CNTNAP2: variants seen among roughly 807,000 people sequenced by gnomAD.
CNTNAP2 encodes contactin-associated protein-like 2.
Under a neutral mutation model 155.2 loss-of-function variants are expected in CNTNAP2, and 98 were observed. The observed-to-expected ratio is 0.63, with a 90% CI of 0.54 to 0.75. The LOEUF (loss-of-function observed/expected upper bound fraction) is 0.75, where lower values mean the gene tolerates loss of function less well. CNTNAP2 is among the 30% of genes least tolerant of loss of function. The pLI is 0.00. For missense variants in CNTNAP2, 1,727 were observed against 1,688.1 expected (o/e 1.02, Z -0.40); for synonymous variants, 651 against 631.2 (o/e 1.03, Z -0.47).
At chr7:147,729,306 C>G (rs1796696516) in intron 13 of CNTNAP2, among the ~76,000 whole-genome samples, 1 of 151,706 alleles carries the variant, frequency 6.6e-6, no homozygotes, top group African/African-American at 2.4e-5. Context: ...TATTGAGCAC[C>G]TACTATGTGT....
intron 13 of CNTNAP2, among the ~76,000 whole-genome samples, chr7:147,835,209 A>G (rs927354596): frequency 1.1e-4 from 17 of 152,206 alleles, no homozygotes; most frequent in Non-Finnish European, 2.1e-4. Context: ...GACTCAGAAA[A>G]GGATTAAAAT....
intron 16 of CNTNAP2, among the ~76,000 whole-genome samples, chr7:148,138,492 C>T (rs1364008885): frequency 6.6e-6 from 1 of 152,182 alleles, no homozygotes; most frequent in Non-Finnish European, 1.5e-5. Flanking sequence ...TAAATCACCC[C>T]TAGTCTTCTA....
intron 8 of CNTNAP2, among the ~76,000 whole-genome samples, chr7:147,221,633 G>A (rs1290352955): frequency 6.6e-6 from 1 of 152,150 alleles, no homozygotes; most frequent in African/African-American, 2.4e-5. Context: ...AAACAGAAAA[G>A]AAGTTAAGAA....
intron 3 of CNTNAP2, among the ~76,000 whole-genome samples, chr7:146,895,116 G>A (rs978657830): frequency 7.2e-5 from 11 of 151,920 alleles, no homozygotes; most frequent in East Asian, 3.9e-4. Context: ...AAACCTGTAC[G>A]TTTAGCTTAA....
At chr7:148,250,018 C>T (rs1796337224) in intron 20 of CNTNAP2, among the ~76,000 whole-genome samples, 1 of 152,236 alleles carries the variant, frequency 6.6e-6, no homozygotes, top group South Asian at 2.1e-4. Flanking sequence ...GAGGACAAGC[C>T]AAAGTCTTTC....
In CNTNAP2 at chr7:146,404,295, G is replaced by C. The variant is rs1433004066; in HGVS notation, c.97+287322G>C. On this transcript the variant is annotated intron_variant, in intron 1 of 23. Coordinates refer to ENST00000361727, the MANE Select transcript of CNTNAP2 (RefSeq NM_014141.6). ...TTATGCTGAAGCAGATGGGGACGCA[G>C]AGAAGCCAGTAGCAGATGGGCACAT... Among the ~76,000 whole-genome samples the C allele has an allele frequency of 3.9e-5, 6 of 152,136 alleles. No individual in the cohort carries two copies. In the East Asian group the frequency reaches 1.2e-3, roughly 29 times the overall value.
chr7:146,584,528 T>A (rs1336432695), intron 1 of CNTNAP2, among the ~76,000 whole-genome samples: 1 of 152,232 alleles, frequency 6.6e-6, no homozygotes, highest in Non-Finnish European at 1.5e-5. Flanking sequence ...GGTGCATTCC[T>A]TTATTTGCTT....
intron 1 of CNTNAP2, among the ~76,000 whole-genome samples, chr7:146,312,035 C>T (rs908953821): frequency 2.6e-5 from 4 of 152,062 alleles, no homozygotes; most frequent in East Asian, 1.9e-4. Flanking sequence ...GAGAGAAGAC[C>T]GTATCATTTC....
At chr7:146,164,212 T>C (rs1798276758) in intron 1 of CNTNAP2, among the ~76,000 whole-genome samples, 1 of 152,138 alleles carries the variant, frequency 6.6e-6, no homozygotes, top group Non-Finnish European at 1.5e-5. Flanking sequence ...TCACGATAAA[T>C]GCAGTAACAT....
intron 1 of CNTNAP2, among the ~76,000 whole-genome samples, chr7:146,601,250 G>A (rs1798945210): frequency 6.6e-6 from 1 of 152,062 alleles, no homozygotes; most frequent in Admixed American, 6.6e-5. Context: ...ACTTTTCTGA[G>A]AAATTGCTAT....
chr7:148,025,683 C>T (rs1330511409), intron 15 of CNTNAP2, among the ~76,000 whole-genome samples: 1 of 152,154 alleles, frequency 6.6e-6, no homozygotes, highest in East Asian at 1.9e-4. Context: ...TCTCTGTTAC[C>T]ATTCTTACAC....
At chr7:147,881,671 T>C (rs1585008198) in intron 13 of CNTNAP2, among the ~76,000 whole-genome samples, 1 of 152,248 alleles carries the variant, frequency 6.6e-6, no homozygotes, top group East Asian at 1.9e-4. Flanking sequence ...TGTTTGTATC[T>C]ATACATAAAG....
intron 8 of CNTNAP2, among the ~76,000 whole-genome samples, chr7:147,296,994 A>G (rs564444276): frequency 2.6e-5 from 4 of 152,188 alleles, no homozygotes; most frequent in African/African-American, 4.8e-5. Flanking sequence ...TCATTTAATA[A>G]CTTGATAACA....
intron 13 of CNTNAP2, among the ~76,000 whole-genome samples, chr7:147,851,972 T>C (rs17825749): frequency 0.033 from 4,951 of 152,212 alleles, 137 homozygotes; most frequent in Non-Finnish European, 0.052. Context: ...CTGTATTCCT[T>C]GGCTGCAGCA....
chr7:147,481,739 A>G (rs1798426261), intron 10 of CNTNAP2, among the ~76,000 whole-genome samples: 1 of 152,158 alleles, frequency 6.6e-6, no homozygotes. Context: ...CTTGATCACA[A>G]CAAATTGACA....
At chr7:147,262,350 C>T (rs188667498) in intron 8 of CNTNAP2, among the ~76,000 whole-genome samples, 7 of 152,300 alleles carry the variant, frequency 4.6e-5, no homozygotes, top group Admixed American at 2.0e-4. Context: ...ATGTTGAAGT[C>T]TTAACCCCTG....
chr7:147,919,086 A>T lies in CNTNAP2; in HGVS notation c.2255+15365A>T, dbSNP rs77895339. Among the ~76,000 whole-genome samples the T allele has an allele frequency of 2.3e-3, 357 of 152,244 alleles. 3 individuals carry two copies. The highest frequency in any genetic ancestry group is 8.2e-3 in the African/African-American group (342 of 41,556). ...AGTAGTAGGCTCAGAGAGATGCTAT[A>T]TTGCTGGCTTTGAAGGTGGAGGAAG... On this transcript the variant is annotated intron_variant, in intron 14 of 23. Coordinates refer to ENST00000361727, the MANE Select transcript of CNTNAP2 (RefSeq NM_014141.6).
intron 15 of CNTNAP2, among the ~76,000 whole-genome samples, chr7:148,081,610 G>A (rs1803605340): frequency 6.6e-6 from 1 of 151,830 alleles, no homozygotes; most frequent in Non-Finnish European, 1.5e-5. Context: ...ATGGCCTATT[G>A]TAATCATGTG....
intron 9 of CNTNAP2, among the ~76,000 whole-genome samples, chr7:147,388,944 C>T (rs1253712248): frequency 6.6e-6 from 1 of 152,134 alleles, no homozygotes; most frequent in Non-Finnish European, 1.5e-5. Context: ...CATGTATTTA[C>T]TTATTTGCCC....
Sources: gnomAD v4.1 joint callset for allele counts (sites outside exome capture counted in the v4.1 genomes callset) on GRCh38, gnomAD v4.1.1 for gene constraint, MANE v1.5 for transcripts, NCBI Gene and HGNC (gene_info 2026-07-23, HGNC 2026-07-21) for gene names.